POU2AF2: variants seen among roughly 807,000 people sequenced by gnomAD.
POU2AF2 encodes POU class 2 homeobox associating factor 2, also known as POU domain class 2-associating factor 2.
At chr11:111,260,571 C>T in the POU2AF2 span, among the ~76,000 whole-genome samples, 3,171 of 152,180 alleles carry the variant, frequency 0.021, 107 homozygotes, top group African/African-American at 0.069. Context: ...GATGAGGAGG[C>T]AATGTGACCA....
chr11:111,284,226 CGGCTCT>C, the POU2AF2 span: 5 of 1,614,036 alleles, frequency 3.1e-6, no homozygotes, highest in African/African-American at 6.7e-5. Flanking sequence ...CAGAGCCATG[CGGCTCT>C]CCTGGAGCCC....
chr11:111,248,481 C>T, the POU2AF2 span, among the ~76,000 whole-genome samples: 12 of 152,172 alleles, frequency 7.9e-5, no homozygotes, highest in Admixed American at 2.0e-4. Flanking sequence ...ACCAATGACC[C>T]GTTCTGGATT....
At chr11:111,286,346 G>A in the POU2AF2 span, 1 of 288,970 alleles carries the variant, frequency 3.5e-6, no homozygotes. Flanking sequence ...TATCTTTGAA[G>A]TATCATTTTT....
At chr11:111,265,239 T>C in the POU2AF2 span, among the ~76,000 whole-genome samples, 1 of 152,192 alleles carries the variant, frequency 6.6e-6, no homozygotes, top group Admixed American at 6.5e-5. Context: ...TCATCTTGCC[T>C]GTTAAGGTCT....
At chr11:111,245,914 T>G in the POU2AF2 span, 1 of 398,602 alleles carries the variant, frequency 2.5e-6, no homozygotes, top group Non-Finnish European at 4.4e-6. Flanking sequence ...TCCTAATTTT[T>G]ATTTTTGATA....
chr11:111,267,370 T>C, the POU2AF2 span, among the ~76,000 whole-genome samples: 1 of 152,142 alleles, frequency 6.6e-6, no homozygotes, highest in Non-Finnish European at 1.5e-5. Flanking sequence ...GGAAATCGCT[T>C]CCTGAACCGG....
At chr11:111,260,776 G>A in the POU2AF2 span, among the ~76,000 whole-genome samples, 1 of 152,204 alleles carries the variant, frequency 6.6e-6, no homozygotes, top group Non-Finnish European at 1.5e-5. Context: ...CACCCTGTTT[G>A]TGATAATTTG....
the POU2AF2 span, among the ~76,000 whole-genome samples, chr11:111,277,673 CCTGGCCCCAG>C: frequency 6.3e-4 from 96 of 152,324 alleles, no homozygotes; most frequent in Middle Eastern, 3.4e-3. Flanking sequence ...GGGCCTTGAT[CCTGGCCCCAG>C]CCTTGGCCAG....
At chr11:111,281,837 C>T in the POU2AF2 span, among the ~76,000 whole-genome samples, 1 of 152,184 alleles carries the variant, frequency 6.6e-6, no homozygotes, top group South Asian at 2.1e-4. Flanking sequence ...GCCTATGTCT[C>T]ATTAAATACT....
At chr11:111,265,974 A>G in the POU2AF2 span, among the ~76,000 whole-genome samples, 12 of 152,064 alleles carry the variant, frequency 7.9e-5, no homozygotes, top group Non-Finnish European at 1.3e-4. Context: ...TGAAACTCCA[A>G]CCTGGTGCAT....
chr11:111,285,960 A>C, the POU2AF2 span: 1 of 1,614,024 alleles, frequency 6.2e-7, no homozygotes, highest in Non-Finnish European at 8.5e-7. Context: ...CCAGATGAGG[A>C]AGCAGACACC....
At chr11:111,260,378 G>A in the POU2AF2 span, among the ~76,000 whole-genome samples, 2 of 152,098 alleles carry the variant, frequency 1.3e-5, no homozygotes, top group African/African-American at 2.4e-5. Flanking sequence ...CAAATCCCTG[G>A]GACCGGTGAG....
At chr11:111,275,122 A>G in the POU2AF2 span, among the ~76,000 whole-genome samples, 71 of 152,238 alleles carry the variant, frequency 4.7e-4, no homozygotes, top group Non-Finnish European at 1.2e-4. Flanking sequence ...GTTGGGAGTC[A>G]TGGAAAAATA....
At chr11:111,256,049 T>G in the POU2AF2 span, 1 of 399,168 alleles carries the variant, frequency 2.5e-6, no homozygotes. Flanking sequence ...AAAGATCTCC[T>G]GGCAGAAAAA....
At chr11:111,266,132 A>C in the POU2AF2 span, among the ~76,000 whole-genome samples, 1 of 152,230 alleles carries the variant, frequency 6.6e-6, no homozygotes, top group Non-Finnish European at 1.5e-5. Context: ...AAGAAGAAAG[A>C]AATGAAAGTC....
the POU2AF2 span, chr11:111,281,324 A>G: frequency 1.6e-6 from 2 of 1,267,070 alleles, no homozygotes; most frequent in East Asian, 2.4e-5. Context: ...CCAAGCTTAT[A>G]AGGTGTATTC....
the POU2AF2 span, chr11:111,284,063 C>A: frequency 6.2e-7 from 1 of 1,604,630 alleles, no homozygotes; most frequent in Non-Finnish European, 8.5e-7. Context: ...ATGTGTTTTT[C>A]ATTTGGCAAC....
At chr11:111,268,360 T>C in the POU2AF2 span, among the ~76,000 whole-genome samples, 1 of 152,152 alleles carries the variant, frequency 6.6e-6, no homozygotes, top group African/African-American at 2.4e-5. Context: ...ACTCATAACC[T>C]GAACCGACCC....
chr11:111,268,477 T>TTTTTATTTTATTTTA, the POU2AF2 span, among the ~76,000 whole-genome samples: 154 of 77,542 alleles, frequency 2.0e-3, 4 homozygotes, highest in East Asian at 0.012. Flanking sequence ...CATTTTTCTT[T>TTTTTATTTTATTTTA]TTTTATTTTA....
Sources: gnomAD v4.1 joint callset for allele counts (sites outside exome capture counted in the v4.1 genomes callset) on GRCh38, gnomAD v4.1.1 for gene constraint, MANE v1.5 for transcripts, NCBI Gene and HGNC (gene_info 2026-07-23, HGNC 2026-07-21) for gene names.